The following ROBO1 variants were observed in gnomAD, a reference collection of about 807,000 sequenced individuals.
The protein encoded by ROBO1 is roundabout homolog 1.
Under a neutral mutation model 195.9 loss-of-function variants are expected in ROBO1, and 149 were observed. The ratio of observed to expected loss-of-function variants is 0.76; its 90% CI spans 0.67 to 0.87. The LOEUF (loss-of-function observed/expected upper bound fraction) is 0.87, where lower values mean the gene tolerates loss of function less well. ROBO1 is among the 40% of genes least tolerant of loss of function. ROBO1 has a pLI of 0.00. For missense variants in ROBO1, 1,933 were observed against 2,068.3 expected (o/e 0.93, Z 1.27); for synonymous variants, 816 against 733.2 (o/e 1.11, Z -1.82).
At chr3:79,267,540 T>C (rs943713976) in intron 2 of ROBO1, among the ~76,000 whole-genome samples, 17 of 150,648 alleles carry the variant, frequency 1.1e-4, no homozygotes, top group African/African-American at 4.1e-4. Flanking sequence ...GTGTTTTAAA[T>C]CTATCTCTTT....
chr3:78,701,911 G>C (rs1409913431), intron 8 of ROBO1, among the ~76,000 whole-genome samples: 1 of 152,048 alleles, frequency 6.6e-6, no homozygotes, highest in East Asian at 1.9e-4. Context: ...TTTTCTGCAG[G>C]TGTGTTTATA....
At chr3:79,415,569 T>C (rs1348022378) in intron 2 of ROBO1, among the ~76,000 whole-genome samples, 1 of 152,062 alleles carries the variant, frequency 6.6e-6, no homozygotes, top group African/African-American at 2.4e-5. Flanking sequence ...GCGAGAAATA[T>C]GGGTAGAGAC....
intron 1 of ROBO1, among the ~76,000 whole-genome samples, chr3:79,719,191 T>C (rs1219297689): frequency 6.6e-6 from 1 of 151,894 alleles, no homozygotes; most frequent in Non-Finnish European, 1.5e-5. Context: ...AAAAAAAAGA[T>C]AGAATAAAAG....
Position 78,685,748 on chromosome 3 carries a change from T to A in ROBO1, c.1340A>T (p.Asp447Val). Reference sequence around the variant, plus strand: ...AAATAAAATGTTTTACACTTTACCATCTGTAACTTCCAAATATGCCTTTGT... The same window carrying A: ...AAATAAAATGTTTTACACTTTACCAACTGTAACTTCCAAATATGCCTTTGT... ...IITKAYLEVT[D>V]VIADRPPPVI... Residue 447 changes from aspartate to valine, a missense_variant and splice_region_variant, in exon 10 of 31, where the codon GAT (aspartate) becomes GTT (valine). Transcript: ENST00000464233. 1 of 1,600,946 alleles carries A rather than the reference T, an allele frequency of 6.2e-7. No individual in the cohort carries two copies. The highest frequency in any genetic ancestry group is 8.5e-7 in the Non-Finnish European group (1 of 1,170,674).
chr3:78,965,882 C>A (rs1231183474), intron 3 of ROBO1, among the ~76,000 whole-genome samples: 1 of 152,162 alleles, frequency 6.6e-6, no homozygotes, highest in African/African-American at 2.4e-5. Context: ...GAAACAGTAG[C>A]CACTAGTCAC....
At chr3:79,479,113 T>A (rs1223797851) in intron 2 of ROBO1, among the ~76,000 whole-genome samples, 1 of 152,182 alleles carries the variant, frequency 6.6e-6, no homozygotes, top group Non-Finnish European at 1.5e-5. Context: ...AATAAACAAT[T>A]ATTGCACAAA....
intron 3 of ROBO1, among the ~76,000 whole-genome samples, chr3:79,026,490 T>C (rs2078205749): frequency 6.6e-6 from 1 of 152,118 alleles, no homozygotes; most frequent in Non-Finnish European, 1.5e-5. Context: ...GTTCTATTTC[T>C]ATATGAAGTA....
chr3:78,849,992 T>TAAAC (rs2106850383), intron 4 of ROBO1, among the ~76,000 whole-genome samples: 1 of 152,226 alleles, frequency 6.6e-6, no homozygotes, highest in East Asian at 1.9e-4. Context: ...TATGTTCAGA[T>TAAAC]AAACATATAC....
chr3:79,638,730 C>T (rs1333112694), intron 1 of ROBO1, among the ~76,000 whole-genome samples: 2 of 152,180 alleles, frequency 1.3e-5, no homozygotes, highest in African/African-American at 2.4e-5. Flanking sequence ...TTGACTAATA[C>T]TGATGAAATA....
intron 1 of ROBO1, among the ~76,000 whole-genome samples, chr3:79,603,712 G>T (rs992111278): frequency 3.3e-5 from 5 of 151,972 alleles, no homozygotes; most frequent in African/African-American, 1.2e-4. Context: ...TCCTTTCAGG[G>T]TGATTGCCAA....
At chr3:79,129,463 G>C (rs1180982742) in intron 2 of ROBO1, among the ~76,000 whole-genome samples, 1 of 151,910 alleles carries the variant, frequency 6.6e-6, no homozygotes, top group African/African-American at 2.4e-5. Context: ...CAGTATATAA[G>C]TGGACAATCT....
intron 4 of ROBO1, among the ~76,000 whole-genome samples, chr3:78,923,465 G>C (rs1334535244): frequency 6.6e-6 from 1 of 152,120 alleles, no homozygotes; most frequent in Non-Finnish European, 1.5e-5. Context: ...TAGAATTGTA[G>C]ATTGCCACCA....
chr3:79,000,533 T>C (rs1159538874), intron 3 of ROBO1, among the ~76,000 whole-genome samples: 1 of 152,170 alleles, frequency 6.6e-6, no homozygotes, highest in Non-Finnish European at 1.5e-5. Flanking sequence ...AAGCTCATCA[T>C]CACTGGTCAT....
intron 2 of ROBO1, among the ~76,000 whole-genome samples, chr3:79,318,016 G>A (rs924726536): frequency 2.0e-5 from 3 of 152,144 alleles, no homozygotes; most frequent in Non-Finnish European, 2.9e-5. Context: ...CCTAGTCTGA[G>A]TCCAAAGGTC....
chr3:79,626,738 T>C (rs554247471), intron 1 of ROBO1, among the ~76,000 whole-genome samples: 1 of 152,330 alleles, frequency 6.6e-6, no homozygotes, highest in Admixed American at 6.5e-5. Flanking sequence ...CATGATTTTA[T>C]ATTTAGAAAA....
At chr3:78,769,997 C>T (rs940551365) in intron 4 of ROBO1, among the ~76,000 whole-genome samples, 1 of 152,144 alleles carries the variant, frequency 6.6e-6, no homozygotes, top group Non-Finnish European at 1.5e-5. Context: ...TTCTGTCTCA[C>T]AGCTCTTGAG....
chr3:79,664,057 A>G (rs1015543245), intron 1 of ROBO1, among the ~76,000 whole-genome samples: 3 of 152,024 alleles, frequency 2.0e-5, no homozygotes, highest in Non-Finnish European at 2.9e-5. Context: ...CAGTAAGTTC[A>G]ATGTTTTTCT....
intron 2 of ROBO1, among the ~76,000 whole-genome samples, chr3:79,554,627 T>G (rs1364654191): frequency 6.6e-6 from 1 of 152,048 alleles, no homozygotes; most frequent in Non-Finnish European, 1.5e-5. Flanking sequence ...TTTTAAGGTA[T>G]GTTGAACAAA....
chr3:79,232,342 TA>T (rs1280788705), intron 2 of ROBO1, among the ~76,000 whole-genome samples: 6 of 143,026 alleles, frequency 4.2e-5, no homozygotes, highest in African/African-American at 7.7e-5. Context: ...TAGTGTGCAC[TA>T]AAAAAAAATA....
Sources: allele counts gnomAD v4.1 joint callset (sites outside exome capture counted in the v4.1 genomes callset), GRCh38; gene constraint gnomAD v4.1.1; transcripts MANE v1.5; gene names NCBI Gene and HGNC (gene_info 2026-07-23, HGNC 2026-07-21).